The following CCDC183 variants were observed in gnomAD, a reference collection of about 807,000 sequenced individuals.
The protein encoded by CCDC183 is coiled-coil domain containing 183.
CCDC183 carries 63 observed loss-of-function variants against 65.2 expected under a neutral mutation model. The observed-to-expected ratio is 0.97, with a 90% confidence interval of 0.79 to 1.19. The LOEUF (loss-of-function observed/expected upper bound fraction) is 1.19. Among genes scored for constraint, CCDC183 ranks in the 50% most tolerant of loss-of-function variants. The pLI is 0.00. For missense variants in CCDC183, 769 were observed against 689.3 expected, an observed-to-expected ratio of 1.12 and a Z score of -1.30; for synonymous variants, 323 against 276.5, an observed-to-expected ratio of 1.17 and a Z score of -1.67.
In CCDC183 at chr9:136,804,178, G is replaced by C. The variant is rs376002347; in HGVS notation, c.667-324G>C. ...GGCACGCTGGAAGAGGCCAGGTTTT[G>C]GGGAAGAGGATGAATCTGTCTTCAG... On this transcript the variant is annotated intron_variant, in intron 6 of 13. Coordinates refer to ENST00000338005, the MANE Select transcript of CCDC183 (RefSeq NM_001039374.5). The surrounding 1 kb of genome is among the most constrained non-coding windows in gnomAD (Gnocchi z 4.1). 98 of 301,874 alleles carry C rather than the reference G, an allele frequency of 3.2e-4. No individual in the cohort carries two copies. The highest frequency in any genetic ancestry group is 1.9e-3 in the African/African-American group (90 of 46,820). The allele number at this position is 301,874 out of a possible 1,614,324, so 18.7% of individuals were successfully genotyped here. A position where few individuals can be genotyped will look rare whatever the true frequency, so the allele number is the denominator to read the frequency against.
chr9:136,806,443 T>A, intron 10 of CCDC183, 61 bp from the exon 11 acceptor site: 1 of 1,598,994 alleles, frequency 6.3e-7, no homozygotes, highest in Non-Finnish European at 8.6e-7. Flanking sequence ...GGCTCCTGGG[T>A]GGCCCACCAT....
At chr9:136,803,207 CCAGGGCTG>C (rs1847772942) in intron 6 of CCDC183, among the ~76,000 whole-genome samples, 1 of 44,006 alleles carries the variant, frequency 2.3e-5, no homozygotes, top group Non-Finnish European at 5.4e-5. Flanking sequence ...AGCTCAGGGC[CCAGGGCTG>C]GGGGCCCCCC....
At chr9:136,800,326 G>T (rs938944916) in intron 4 of CCDC183, 63 bp from the exon 5 acceptor site, 18 of 1,509,500 alleles carry the variant, frequency 1.2e-5, no homozygotes, top group Non-Finnish European at 1.4e-5. Context: ...AGAAAACCCA[G>T]CCCCGACACC....
At chr9:136,801,338 C>G (rs1045024385) in intron 5 of CCDC183, among the ~76,000 whole-genome samples, 1 of 151,556 alleles carries the variant, frequency 6.6e-6, no homozygotes, top group African/African-American at 2.4e-5. Context: ...CCTGTCCATG[C>G]CCCTCCTTCG....
intron 5 of CCDC183, 21 bp downstream of exon 5, chr9:136,800,514 A>C: frequency 2.8e-5 from 35 of 1,249,926 alleles, no homozygotes; most frequent in Middle Eastern, 2.0e-4. Context: ...CGGCCCGGGA[A>C]GGGCGGGGGT....
At chr9:136,806,407 C>T in intron 10 of CCDC183, 97 bp from the exon 11 acceptor site, 1 of 1,517,354 alleles carries the variant, frequency 6.6e-7, no homozygotes, top group African/African-American at 1.4e-5. Flanking sequence ...GTCCCTGATT[C>T]TGGCACAGCA....
In CCDC183 at chr9:136,799,342, G is replaced by A. The variant is rs1051936099; in HGVS notation, c.192+119G>A. On this transcript the variant is annotated intron_variant, in intron 2 of 13. Coordinates refer to ENST00000338005, the MANE Select transcript of CCDC183 (RefSeq NM_001039374.5). ...ACCCCAATCTTTCTGGATCCAGGGG[G>A]CATGTGAGGAGGGGCTCTGCTAGGA... 6.4e-6 allele frequency: 9 copies of A among 1,416,524 alleles called. No homozygotes were observed. The Admixed American group carries it at 1.4e-4, about 22-fold the overall frequency. The allele number at this position is 1,416,524 out of a possible 1,614,324, so 87.7% of individuals were successfully genotyped here. A position where few individuals can be genotyped will look rare whatever the true frequency, so the allele number is the denominator to read the frequency against.
At position 136,802,694 on chromosome 9, in the gene CCDC183, A is replaced by G. The variant is rs760722883; in HGVS notation, c.574A>G (p.Lys192Glu). The change falls in exon 6 of 14, where the codon AAG becomes GAG. Residue 192 changes from lysine (K) to glutamate (E), a missense_variant. By Grantham distance (56) the Lys-to-Glu change is moderately conservative (BLOSUM62 1). Coordinates refer to ENST00000338005, the MANE Select transcript of CCDC183 (RefSeq NM_001039374.5). ...VLAGYPIELD[K>E]LQNLVVNYCS... ...GGCAGGATACCCCATTGAGCTGGAC[A>G]AGCTGCAGAACCTCGTGGTCAACTA... 4.3e-6 allele frequency: 7 copies of G among 1,613,338 alleles called. No homozygotes were observed. The highest frequency in any genetic ancestry group is 5.9e-6 in the Non-Finnish European group (7 of 1,179,770).
chr9:136,805,060 A>G (rs532631541), intron 8 of CCDC183: 1 of 596,316 alleles, frequency 1.7e-6, no homozygotes, highest in African/African-American at 1.9e-5. Context: ...GTGACTCTGC[A>G]GAGGATGAGC....
rs2254143 is a variant in CCDC183, at chr9:136,806,656, A to T, written c.1262A>T (p.Asn421Ile). 2 of 1,613,324 alleles carry T rather than the reference A, an allele frequency of 1.2e-6. No homozygotes were observed. The highest frequency in any genetic ancestry group is 2.2e-5 in the East Asian group (1 of 44,872). ...DNLYVRLMGI[N>I]LPATQREVVL... is the part of the protein sequence containing the mutation. ...CTCTATGTCCGGCTGATGGGCATTA[A>T]CTTGCCTGCGACCCAGGTACCGGGA... Residue 421 changes from asparagine to isoleucine, a missense_variant, in exon 11 of 14, where the codon AAC becomes ATC. Coordinates refer to ENST00000338005, the MANE Select transcript of CCDC183 (RefSeq NM_001039374.5).
At chr9:136,806,725 A>G in intron 11 of CCDC183, 32 bp from the exon 12 acceptor site, 1 of 1,613,382 alleles carries the variant, frequency 6.2e-7, no homozygotes, top group Non-Finnish European at 8.5e-7. Context: ...GCAGGGCCAG[A>G]GGGGAGATGA....
rs756390271 is a variant in CCDC183, at chr9:136,806,822, C to T, written c.1344C>T (p.Leu448=). Residue 448 remains leucine, a synonymous_variant, in exon 12 of 14, where the codon CTC becomes CTT. Coordinates refer to ENST00000338005, the MANE Select transcript of CCDC183 (RefSeq NM_001039374.5). ...NSKLAYCEGK[L]TYLADRVQMV... ...AGCTGGCGTACTGCGAGGGGAAGCT[C>T]ACGTACCTGGCTGACAGAGTGCAGA... 6.2e-7 allele frequency: 1 copy of T among 1,613,548 alleles called. No individual in the cohort carries two copies. The highest frequency in any genetic ancestry group is 1.3e-5 in the African/African-American group (1 of 74,946).
At position 136,804,544 on chromosome 9, in the gene CCDC183, C is replaced by T. The variant is rs761372377; in HGVS notation, c.709C>T (p.Arg237Trp). The T allele has an allele frequency of 2.4e-5, 38 of 1,613,332 alleles. No homozygotes were observed. Among genetic ancestry groups the T allele is most frequent in the Non-Finnish European group, 3.1e-5 (36 of 1,179,938 alleles). The change falls in exon 7 of 14, where the codon CGG becomes TGG. Residue 237 changes from arginine to tryptophan, a missense_variant. Transcript: ENST00000338005. This position sits in a 1 kb window ranked among gnomAD's most constrained non-coding sequence, Gnocchi z 4.1. Reference protein sequence around the residue: ...QREASFIEERRARENRLNQQK... With the variant: ...QREASFIEERWARENRLNQQK... The stretch of plus-strand genomic sequence containing the variant: ...GGAGGCGTCCTTCATCGAGGAGCGC[C>T]GGGCAAGGGAGAACCGGCTCAACCA...
At position 136,802,659 on chromosome 9, in the gene CCDC183, C is replaced by T; in HGVS notation, c.544-5C>T. On this transcript the variant is annotated splice_polypyrimidine_tract_variant and splice_region_variant and intron_variant, in intron 5 of 13. Coordinates refer to ENST00000338005, the MANE Select transcript of CCDC183 (RefSeq NM_001039374.5). ...GGGGCCACAAGAGAACCCCATTCAA[C>T]ACAGGTGCTGGCAGGATACCCCATT... The T allele has an allele frequency of 6.2e-7, 1 of 1,607,956 alleles. No individual in the cohort carries two copies. Among genetic ancestry groups the T allele is most frequent in the Non-Finnish European group, 8.5e-7 (1 of 1,177,440 alleles).
At chr9:136,801,309 GCCCACCCCTCTC>G (rs1440310451) in intron 5 of CCDC183, among the ~76,000 whole-genome samples, 5 of 151,742 alleles carry the variant, frequency 3.3e-5, no homozygotes, top group African/African-American at 7.3e-5. Flanking sequence ...TGCTTCCTGG[GCCCACCCCTCTC>G]CCCACCCCTG....
At chr9:136,799,646 C>T in intron 2 of CCDC183, 67 bp from the exon 3 acceptor site, 4 of 1,383,666 alleles carry the variant, frequency 2.9e-6, no homozygotes, top group Non-Finnish European at 4.1e-6. Context: ...GGGGAGAATG[C>T]CTGGAGGAGC....
chr9:136,807,417 G>A, intron 13 of CCDC183, 155 bp from the exon 14 acceptor site: 1 of 985,476 alleles, frequency 1.0e-6, no homozygotes, highest in Admixed American at 3.0e-5. Context: ...GTGAGCCGCT[G>A]CGAATGGGCT....
intron 13 of CCDC183, 151 bp downstream of exon 13, chr9:136,807,217 G>C: frequency 1.5e-6 from 1 of 687,100 alleles, no homozygotes; most frequent in Non-Finnish European, 2.5e-6. Flanking sequence ...AATTGATGGA[G>C]GTGACTTAGT....
rs1273657115 is a variant in CCDC183 at position 136,804,663 on chromosome 9, C to T, written c.792+36C>T. On this transcript the variant is annotated intron_variant, in intron 7 of 13. Coordinates refer to ENST00000338005, the MANE Select transcript of CCDC183 (RefSeq NM_001039374.5). This position sits in a 1 kb window ranked among gnomAD's most constrained non-coding sequence, Gnocchi z 4.1. Reference sequence around the variant, plus strand: ...GGCCAGGGCCTGGCTGGCTGCCCATCCCCATGACAGCTGGGTGGACACAGG... The same window carrying T: ...GGCCAGGGCCTGGCTGGCTGCCCATTCCCATGACAGCTGGGTGGACACAGG... The T allele has an allele frequency of 1.2e-6, 2 of 1,613,042 alleles. No individual in the cohort carries two copies. The highest frequency in any genetic ancestry group is 1.7e-6 in the Non-Finnish European group (2 of 1,179,468).
Sources: allele counts gnomAD v4.1 joint callset (sites outside exome capture counted in the v4.1 genomes callset), GRCh38; gene constraint gnomAD v4.1.1; non-coding constraint Gnocchi (gnomAD v3.1); transcripts MANE v1.5; gene names NCBI Gene and HGNC (gene_info 2026-07-23, HGNC 2026-07-21).